Variants in NKAIN3 observed in about 807,000 individuals in gnomAD.
The protein encoded by NKAIN3 is sodium/potassium transporting ATPase interacting 3.
In NKAIN3, 25 loss-of-function variants were observed where a neutral mutation model predicts 30.2. That is an observed-to-expected ratio of 0.83 (90% confidence interval 0.60 to 1.16). The LOEUF is 1.16. Ranked by LOEUF, NKAIN3 falls within the 50% of genes most tolerant of loss-of-function variation. NKAIN3 has a pLI of 0.00. For synonymous variants in NKAIN3, 91 were observed against 89.6 expected, an observed-to-expected ratio of 1.02 and a Z score of -0.09; for missense variants, 225 against 254.1, an observed-to-expected ratio of 0.89 and a Z score of 0.78.
In NKAIN3 at chr8:62,538,511, C is replaced by G. The variant is rs188228813; in HGVS notation, c.55-41028C>G. Among the ~76,000 whole-genome samples the G allele has an allele frequency of 3.1e-3, 469 of 152,230 alleles. 9 individuals are homozygous for G. The highest frequency in any genetic ancestry group is 1.6e-3 in the Non-Finnish European group (112 of 68,016). Reference sequence around the variant, plus strand: ...TTATAGTTTTCCTTAACTTTTCCCCCCTCCAAAGTAAACCTTAAACAGACT... The same window carrying G: ...TTATAGTTTTCCTTAACTTTTCCCCGCTCCAAAGTAAACCTTAAACAGACT... On this transcript the variant is annotated intron_variant, in intron 1 of 6. Transcript: ENST00000623646.
chr8:62,478,109 A>T (rs937029019), intron 1 of NKAIN3, among the ~76,000 whole-genome samples: 1 of 152,170 alleles, frequency 6.6e-6, no homozygotes, highest in Non-Finnish European at 1.5e-5. Flanking sequence ...ATTGGAGATT[A>T]GGGTTTCAAC....
chr8:62,849,765 C>G (rs1819823692), intron 4 of NKAIN3, among the ~76,000 whole-genome samples: 2 of 151,922 alleles, frequency 1.3e-5, no homozygotes, highest in Non-Finnish European at 2.9e-5. Flanking sequence ...TCATGCATGT[C>G]CCTACAAAGA....
chr8:62,617,865 G>C (rs1189852000), intron 3 of NKAIN3, among the ~76,000 whole-genome samples: 4 of 152,154 alleles, frequency 2.6e-5, no homozygotes, highest in African/African-American at 9.7e-5. Flanking sequence ...TCTAGGCAGA[G>C]GGAAGGCTAA....
chr8:62,429,803 AT>A (rs1269911449), intron 1 of NKAIN3, among the ~76,000 whole-genome samples: 1 of 151,868 alleles, frequency 6.6e-6, no homozygotes, highest in African/African-American at 2.4e-5. Flanking sequence ...ACTGCAACCA[AT>A]TTTTTAATTA....
At chr8:62,937,289 C>CA (rs1822813780) in intron 5 of NKAIN3, among the ~76,000 whole-genome samples, 1 of 152,106 alleles carries the variant, frequency 6.6e-6, no homozygotes, top group Admixed American at 6.5e-5. Flanking sequence ...TGAAAGAATT[C>CA]GTAGAGCCTT....
chr8:62,605,803 T>C (rs1429881629), intron 3 of NKAIN3, among the ~76,000 whole-genome samples: 1 of 152,060 alleles, frequency 6.6e-6, no homozygotes, highest in Non-Finnish European at 1.5e-5. Context: ...TTTTGGTGTC[T>C]GCAGGGGGCC....
chr8:62,817,488 A>C (rs1818720436), intron 4 of NKAIN3, among the ~76,000 whole-genome samples: 1 of 152,026 alleles, frequency 6.6e-6, no homozygotes, highest in South Asian at 2.1e-4. Context: ...GTATCCACCC[A>C]CCTTCACTGA....
chr8:62,406,602 G>A (rs1289621346), intron 1 of NKAIN3, among the ~76,000 whole-genome samples: 2 of 152,008 alleles, frequency 1.3e-5, no homozygotes, highest in Non-Finnish European at 2.9e-5. Flanking sequence ...TAATAATAAT[G>A]TTAAAATATT....
Position 62,276,745 on chromosome 8 carries a change from G to A in NKAIN3, c.54+27618G>A, listed in dbSNP as rs190732278. Among the ~76,000 whole-genome samples the A allele has an allele frequency of 6.6e-5, 10 of 152,308 alleles. No homozygotes were observed. The East Asian group carries it at 1.9e-3, about 29-fold the overall frequency. On this transcript the variant is annotated intron_variant, in intron 1 of 6. Coordinates refer to ENST00000623646, the MANE Select transcript of NKAIN3 (RefSeq NM_001304533.3). ...AAAGGCCAGGAATTTGTAATTACTA[G>A]CAGTCATGCTTTGCTAAATTAATGA...
At chr8:62,603,552 ATAATAT>A (rs1473102212) in intron 3 of NKAIN3, among the ~76,000 whole-genome samples, 1 of 152,134 alleles carries the variant, frequency 6.6e-6, no homozygotes, top group African/African-American at 2.4e-5. Flanking sequence ...AAAAACACAG[ATAATAT>A]TAATCATTTC....
At chr8:62,763,549 GTAACAA>G (rs961604262) in intron 4 of NKAIN3, among the ~76,000 whole-genome samples, 3 of 152,098 alleles carry the variant, frequency 2.0e-5, no homozygotes, top group African/African-American at 4.8e-5. Flanking sequence ...TTATTACTTA[GTAACAA>G]AGATAATCAG....
intron 3 of NKAIN3, among the ~76,000 whole-genome samples, chr8:62,694,707 G>A (rs1343855402): frequency 6.6e-6 from 1 of 152,114 alleles, no homozygotes; most frequent in Non-Finnish European, 1.5e-5. Context: ...TTACCCTGCT[G>A]TTAGTTCCTG....
At chr8:62,273,003 C>T (rs1311907077) in intron 1 of NKAIN3, among the ~76,000 whole-genome samples, 3 of 152,168 alleles carry the variant, frequency 2.0e-5, no homozygotes, top group Non-Finnish European at 4.4e-5. Flanking sequence ...CATTCAGTCT[C>T]CATCACAACT....
intron 5 of NKAIN3, among the ~76,000 whole-genome samples, chr8:62,941,556 C>T (rs2130883369): frequency 6.6e-6 from 1 of 152,120 alleles, no homozygotes; most frequent in Admixed American, 6.5e-5. Context: ...AAAGATAATC[C>T]ACCATAATCA....
chr8:62,935,421 G>C (rs1385016168), intron 5 of NKAIN3, among the ~76,000 whole-genome samples: 3 of 152,042 alleles, frequency 2.0e-5, no homozygotes, highest in African/African-American at 7.3e-5. Context: ...CCTTGTATAA[G>C]GTAATGACAC....
intron 5 of NKAIN3, among the ~76,000 whole-genome samples, chr8:62,928,434 CA>C (rs1822514905): frequency 1.3e-5 from 2 of 152,150 alleles, no homozygotes. Context: ...CAATCAACTA[CA>C]AAACTCCTAC....
At chr8:62,998,971 G>A (rs566962044) in intron 5 of NKAIN3, among the ~76,000 whole-genome samples, 151 of 152,172 alleles carry the variant, frequency 9.9e-4, no homozygotes, top group Non-Finnish European at 1.9e-3. Flanking sequence ...AATAATTAGT[G>A]ATTTTGAGCA....
chr8:62,795,467 A>G (rs1817830125), intron 4 of NKAIN3, among the ~76,000 whole-genome samples: 1 of 152,184 alleles, frequency 6.6e-6, no homozygotes, highest in African/African-American at 2.4e-5. Context: ...AGTGCTGTGC[A>G]GCACAAAAGG....
At chr8:62,800,150 G>T (rs2130690856) in intron 4 of NKAIN3, among the ~76,000 whole-genome samples, 1 of 152,194 alleles carries the variant, frequency 6.6e-6, no homozygotes, top group African/African-American at 2.4e-5. Flanking sequence ...CACCACTAAA[G>T]AACTTATTCA....
Sources: allele counts gnomAD v4.1 joint callset (sites outside exome capture counted in the v4.1 genomes callset), GRCh38; gene constraint gnomAD v4.1.1; transcripts MANE v1.5; gene names NCBI Gene and HGNC (gene_info 2026-07-23, HGNC 2026-07-21).